SPIDR: variants seen among roughly 807,000 people sequenced by gnomAD.
SPIDR encodes the protein DNA repair-scaffolding protein.
In SPIDR, 93 loss-of-function variants were observed where a neutral mutation model predicts 104.6. That is an observed-to-expected ratio of 0.89 (90% CI 0.75 to 1.06). The LOEUF (loss-of-function observed/expected upper bound fraction) is 1.06, where lower values mean the gene tolerates loss of function less well. SPIDR is among the 50% of genes least tolerant of loss of function. The pLI, the probability that SPIDR is intolerant of heterozygous loss-of-function variation, is 0.00. For missense variants in SPIDR, 1,154 were observed against 1,111.2 expected (o/e 1.04, Z -0.55); for synonymous variants, 431 against 416.9 (o/e 1.03, Z -0.41).
intron 7 of SPIDR, among the ~76,000 whole-genome samples, chr8:47,410,056 G>A (rs1266847809): frequency 6.6e-6 from 1 of 151,996 alleles, no homozygotes; most frequent in African/African-American, 2.4e-5. Flanking sequence ...TCCTTTCCCA[G>A]CTGTCGCTTA....
intron 7 of SPIDR, among the ~76,000 whole-genome samples, chr8:47,436,704 C>T (rs546513027): frequency 1.1e-4 from 17 of 152,288 alleles, no homozygotes; most frequent in East Asian, 5.8e-4. Flanking sequence ...CCCGCCTGGG[C>T]GACAGAGCAA....
intron 5 of SPIDR, among the ~76,000 whole-genome samples, chr8:47,363,661 A>C (rs1554632152): frequency 6.6e-6 from 1 of 151,886 alleles, no homozygotes; most frequent in Non-Finnish European, 1.5e-5. Context: ...GTGAACAGTT[A>C]TTTATGTTAT....
intron 1 of SPIDR, among the ~76,000 whole-genome samples, chr8:47,275,681 A>T (rs2036281373): frequency 6.6e-6 from 1 of 152,180 alleles, no homozygotes. Flanking sequence ...TAATCAGAAG[A>T]CTCTAATAGG....
intron 5 of SPIDR, among the ~76,000 whole-genome samples, chr8:47,387,301 C>A (rs1236908859): frequency 1.3e-5 from 2 of 152,056 alleles, no homozygotes; most frequent in Non-Finnish European, 2.9e-5. Context: ...AGGTGGGGGG[C>A]ATTGAATGGC....
intron 8 of SPIDR, among the ~76,000 whole-genome samples, chr8:47,526,207 A>G (rs1287487823): frequency 1.3e-5 from 2 of 152,222 alleles, no homozygotes; most frequent in South Asian, 2.1e-4. Context: ...GAACATTGCA[A>G]TGATGCCTGG....
intron 1 of SPIDR, among the ~76,000 whole-genome samples, chr8:47,275,157 G>T (rs1447518616): frequency 6.6e-6 from 1 of 151,682 alleles, no homozygotes; most frequent in Non-Finnish European, 1.5e-5. Context: ...TACTTGGGAG[G>T]CTGAGGCAGG....
chr8:47,700,580 T>C, intron 12 of SPIDR, 90 bp downstream of exon 12: 1 of 1,292,322 alleles, frequency 7.7e-7, no homozygotes, highest in Admixed American at 1.7e-5. Flanking sequence ...TCACATGGTC[T>C]GTGTCCCCTG....
chr8:47,623,771 C>A (rs1384257358), intron 10 of SPIDR, among the ~76,000 whole-genome samples: 1 of 152,096 alleles, frequency 6.6e-6, no homozygotes, highest in Non-Finnish European at 1.5e-5. Flanking sequence ...ACTTAGACTC[C>A]CACACAATAA....
chr8:47,588,086 T>C (rs187237683), intron 8 of SPIDR, among the ~76,000 whole-genome samples: 1,444 of 99,788 alleles, frequency 0.014, 99 homozygotes, highest in African/African-American at 0.042. Flanking sequence ...TATATATATA[T>C]ACACGTATGT....
At chr8:47,611,677 A>G (rs573759430) in intron 10 of SPIDR, among the ~76,000 whole-genome samples, 2 of 152,156 alleles carry the variant, frequency 1.3e-5, no homozygotes, top group South Asian at 2.1e-4. Flanking sequence ...CAGCCTGGGC[A>G]ACAGAGCGAG....
intron 2 of SPIDR, 56 bp from the exon 3 acceptor site, chr8:47,283,972 A>G (rs369937091): frequency 2.2e-6 from 3 of 1,364,268 alleles, no homozygotes; most frequent in African/African-American, 1.5e-5. Context: ...ATATTTTATA[A>G]AAGTTTTTTT....
intron 11 of SPIDR, among the ~76,000 whole-genome samples, chr8:47,690,369 T>G (rs2078468356): frequency 6.6e-6 from 1 of 151,860 alleles, no homozygotes; most frequent in Non-Finnish European, 1.5e-5. Flanking sequence ...TTTTACAAAG[T>G]TACTAAATTA....
chr8:47,483,073 C>A (rs2077086550), intron 8 of SPIDR, among the ~76,000 whole-genome samples: 1 of 152,182 alleles, frequency 6.6e-6, no homozygotes, highest in Non-Finnish European at 1.5e-5. Context: ...CCTATTCTTG[C>A]TGACCCAGCT....
At chr8:47,642,432 A>AG (rs1337344649) in intron 10 of SPIDR, among the ~76,000 whole-genome samples, 1 of 151,528 alleles carries the variant, frequency 6.6e-6, no homozygotes, top group Non-Finnish European at 1.5e-5. Context: ...AAAAAAAAAA[A>AG]GAAAAAGAAT....
rs1278294984 is a variant in SPIDR at position 47,701,786 on chromosome 8, A to G, written c.1839A>G (p.Gln613=). 6.2e-7 allele frequency: 1 copy of G among 1,614,140 alleles called. No individual in the cohort carries two copies. The highest frequency in any genetic ancestry group is 1.1e-5 in the South Asian group (1 of 91,082). ...TCACAGCTCATCCAAATCTGGGACA[A>G]ATTGATATAATTGACGAAGACCCCA... ...YILTAHPNLG[Q]IDIIDEDPIY... Residue 613 remains glutamine (Q), a synonymous_variant, in exon 13 of 20, where the codon CAA becomes CAG. Coordinates refer to ENST00000297423, the MANE Select transcript of SPIDR (RefSeq NM_001080394.4).
chr8:47,523,658 G>A (rs1312893512), intron 8 of SPIDR, among the ~76,000 whole-genome samples: 1 of 152,114 alleles, frequency 6.6e-6, no homozygotes, highest in Non-Finnish European at 1.5e-5. Flanking sequence ...CGACCACCCT[G>A]CACCCAGGCC....
chr8:47,415,625 G>A (rs545488427), intron 7 of SPIDR, among the ~76,000 whole-genome samples: 1 of 152,280 alleles, frequency 6.6e-6, no homozygotes, highest in East Asian at 1.9e-4. Flanking sequence ...TCCTTCCACT[G>A]TGTGAGGAGG....
Position 47,728,968 on chromosome 8 carries a change from T to TCACATCTCCTGTTCTCA in SPIDR, c.2472_2488dup (p.Lys830ThrfsTer24). 6.2e-7 allele frequency: 1 copy of TCACATCTCCTGTTCTCA among 1,613,834 alleles called. No homozygotes were observed. The highest frequency in any genetic ancestry group is 1.3e-5 in the African/African-American group (1 of 75,034). On this transcript the variant is annotated frameshift_variant, in exon 18 of 20. Transcript: ENST00000297423. LOFTEE classifies it high-confidence loss of function. ...TCCTGTGGGGACTGCTCCCGGGTGGTCACATCTCCTGTTCTCAAGAGGCAC... is the reference window on the plus strand; with the variant it reads ...TCCTGTGGGGACTGCTCCCGGGTGGTCACATCTCCTGTTCTCACACATCTCCTGTTCTCAAGAGGCAC...
intron 7 of SPIDR, among the ~76,000 whole-genome samples, chr8:47,428,802 G>A (rs1554686992): frequency 6.6e-6 from 1 of 152,182 alleles, no homozygotes; most frequent in Non-Finnish European, 1.5e-5. Flanking sequence ...GCGTGGGTCA[G>A]CTCTGATTTG....
Sources: allele counts gnomAD v4.1 joint callset (sites outside exome capture counted in the v4.1 genomes callset), GRCh38; gene constraint gnomAD v4.1.1; transcripts MANE v1.5; gene names NCBI Gene and HGNC (gene_info 2026-07-23, HGNC 2026-07-21).